The following SATL1 variants were observed in gnomAD, a reference collection of about 807,000 sequenced individuals.
SATL1 encodes the protein spermidine/spermine N1-acetyl transferase like 1, also known as spermidine/spermine N(1)-acetyltransferase-like protein 1.
Under a neutral mutation model 51.8 loss-of-function variants are expected in SATL1, and 47 were observed. The observed-to-expected ratio is 0.91, with a 90% confidence interval of 0.72 to 1.16. The LOEUF (loss-of-function observed/expected upper bound fraction) is 1.16, where lower values mean the gene tolerates loss of function less well. Ranked by LOEUF, SATL1 falls within the 50% of genes most tolerant of loss-of-function variation. SATL1 has a pLI of 0.00. For synonymous variants in SATL1, 176 were observed against 182.4 expected, an observed-to-expected ratio of 0.97 and a Z score of 0.28; for missense variants, 520 against 526.4, an observed-to-expected ratio of 0.99 and a Z score of 0.12.
At chrX:85,156,151 A>G (rs1199822788) in intron 2 of SATL1, among the ~76,000 whole-genome samples, 3 of 111,693 alleles carry the variant, frequency 2.7e-5, no homozygotes, top group African/African-American at 9.7e-5. Flanking sequence ...CACTTTGAAC[A>G]TGGAAAACGT....
At chrX:85,173,680 TA>T (rs1258840364) in intron 2 of SATL1, among the ~76,000 whole-genome samples, 2 of 109,752 alleles carry the variant, frequency 1.8e-5, no homozygotes, top group South Asian at 3.9e-4. Flanking sequence ...ACACACACGT[TA>T]AAAAAAAATT....
At chrX:85,119,148 A>G (rs956567581) in intron 2 of SATL1, among the ~76,000 whole-genome samples, 4 of 110,971 alleles carry the variant, frequency 3.6e-5, no homozygotes, top group African/African-American at 1.3e-4. Flanking sequence ...AAGGACCCCA[A>G]TTTCACAGAT....
At chrX:85,154,923 T>C (rs1197356948) in intron 2 of SATL1, among the ~76,000 whole-genome samples, 1 of 111,846 alleles carries the variant, frequency 8.9e-6, no homozygotes, top group Non-Finnish European at 1.9e-5. Context: ...GACAAGATAA[T>C]GTTACCCTCT....
At chrX:85,131,610 A>T (rs1379239805) in intron 2 of SATL1, among the ~76,000 whole-genome samples, 1 of 111,291 alleles carries the variant, frequency 9.0e-6, no homozygotes, top group Non-Finnish European at 1.9e-5. Flanking sequence ...CCAATTTGCC[A>T]GTCTGTGTCT....
chrX:85,120,744 G>T (rs1399121263), intron 2 of SATL1, among the ~76,000 whole-genome samples: 1 of 111,837 alleles, frequency 8.9e-6, no homozygotes, highest in Non-Finnish European at 1.9e-5. Context: ...ACGTATACTT[G>T]AAGACATTTC....
At chrX:85,134,024 G>A (rs1925884228) in intron 2 of SATL1, among the ~76,000 whole-genome samples, 1 of 111,751 alleles carries the variant, frequency 8.9e-6, no homozygotes, top group Non-Finnish European at 1.9e-5. Flanking sequence ...AAGAAAATAA[G>A]TGAATTTTGC....
intron 2 of SATL1, among the ~76,000 whole-genome samples, chrX:85,174,810 T>G (rs1459045353): frequency 1.8e-5 from 2 of 111,850 alleles, no homozygotes; most frequent in Admixed American, 9.5e-5. Context: ...GAACTGATTG[T>G]AAATTTCATA....
chrX:85,140,675 C>T (rs765735926), intron 2 of SATL1, among the ~76,000 whole-genome samples: 10 of 111,927 alleles, frequency 8.9e-5, no homozygotes, highest in Non-Finnish European at 1.5e-4. Context: ...ATTTAGAATC[C>T]ATTGTTAACC....
chrX:85,092,560 A>G lies in SATL1; in HGVS notation c.1919T>C (p.Ile640Thr). 2 of 1,200,896 alleles carry G rather than the reference A, an allele frequency of 1.7e-6. No individual in the cohort carries two copies. The highest frequency in any genetic ancestry group is 1.1e-6 in the Non-Finnish European group (1 of 888,886). ...GCAGTTACATTGAGTTGTGATGGCT[A>G]TCTGTTTAAAAACAAACAAGCAAAT... ...GAEMLKRLSQ[I>T]AITTQCNCMH... The change falls in exon 8 of 8, where the codon ATA (isoleucine) becomes ACA (threonine). Residue 640 changes from isoleucine (I) to threonine (T), a missense_variant and splice_region_variant. Transcript: ENST00000644105.
intron 2 of SATL1, among the ~76,000 whole-genome samples, chrX:85,121,322 G>GTATATAAA (rs1250247662): frequency 9.6e-6 from 1 of 103,806 alleles, no homozygotes; most frequent in Non-Finnish European, 2.0e-5. Flanking sequence ...ATATATGTAT[G>GTATATAAA]TATATAAATA....
At chrX:85,143,532 A>G (rs965891542) in intron 2 of SATL1, 20 of 111,691 alleles carry the variant, frequency 1.8e-4, no homozygotes, top group African/African-American at 5.8e-4. Context: ...CTTTATTTCT[A>G]TAGGTTAAAG....
intron 2 of SATL1, among the ~76,000 whole-genome samples, chrX:85,186,795 A>T (rs936814000): frequency 2.7e-5 from 3 of 111,568 alleles, no homozygotes; most frequent in Non-Finnish European, 5.7e-5. Flanking sequence ...AAAACCAGGT[A>T]GTGTGATTGT....
intron 2 of SATL1, among the ~76,000 whole-genome samples, chrX:85,173,734 A>C (rs1447328979): frequency 9.4e-6 from 1 of 106,235 alleles, no homozygotes; most frequent in Non-Finnish European, 1.9e-5. Context: ...TATATGTCCT[A>C]TGTTTTCACA....
In SATL1 at chrX:85,192,730, G is replaced by T. The variant is rs181186565; in HGVS notation, c.-313+31475C>A. Reference sequence around the variant, plus strand: ...ATAAAAATATGTCAATCCATATTCCGCATTAGTTTTTGAGCTATTTAAAGG... The same window carrying T: ...ATAAAAATATGTCAATCCATATTCCTCATTAGTTTTTGAGCTATTTAAAGG... On this transcript the variant is annotated intron_variant, in intron 2 of 7. Transcript: ENST00000644105. Among the ~76,000 whole-genome samples the T allele has an allele frequency of 4.6e-3, 507 of 111,194 alleles. 2 individuals are homozygous for T. The highest frequency in any genetic ancestry group is 0.016 in the African/African-American group (483 of 30,603).
At chrX:85,163,623 G>A (rs1342712483) in intron 2 of SATL1, among the ~76,000 whole-genome samples, 1 of 111,597 alleles carries the variant, frequency 9.0e-6, no homozygotes, top group Non-Finnish European at 1.9e-5. Flanking sequence ...TGGTCTGAGA[G>A]AGTATTTCAT....
intron 2 of SATL1, among the ~76,000 whole-genome samples, chrX:85,153,168 A>T (rs1926505746): frequency 9.1e-6 from 1 of 110,402 alleles, no homozygotes; most frequent in Non-Finnish European, 1.9e-5. Context: ...AAAATCTGGA[A>T]TCGTGGGAAA....
At chrX:85,151,270 G>A (rs952992851) in intron 2 of SATL1, among the ~76,000 whole-genome samples, 13 of 110,536 alleles carry the variant, frequency 1.2e-4, no homozygotes, top group African/African-American at 4.3e-4. Context: ...GGATGTGAAG[G>A]ACCTCTTCAA....
intron 2 of SATL1, among the ~76,000 whole-genome samples, chrX:85,136,382 C>T (rs1804700386): frequency 9.0e-6 from 1 of 111,412 alleles, no homozygotes; most frequent in Admixed American, 9.5e-5. Flanking sequence ...GATCAGAACC[C>T]CAATGATATA....
At chrX:85,219,537 C>T (rs1375064413) in intron 2 of SATL1, 4 of 111,823 alleles carry the variant, frequency 3.6e-5, no homozygotes, top group East Asian at 2.8e-4. Context: ...AATGCATAAA[C>T]GATTGATTGA....
Sources: allele counts gnomAD v4.1 joint callset (sites outside exome capture counted in the v4.1 genomes callset), GRCh38; gene constraint gnomAD v4.1.1; transcripts MANE v1.5; gene names NCBI Gene and HGNC (gene_info 2026-07-23, HGNC 2026-07-21).